The following SMG6 variants were observed in gnomAD, a reference collection of about 807,000 sequenced individuals.
SMG6 encodes the protein telomerase-binding protein EST1A.
Under a neutral mutation model 142.2 loss-of-function variants are expected in SMG6, and 66 were observed. The observed-to-expected ratio is 0.46, with a 90% CI of 0.38 to 0.57. SMG6 has a LOEUF of 0.57. SMG6 is among the 20% of genes least tolerant of loss of function. The probability of loss-of-function intolerance (pLI) is 0.00; values close to 1 mark genes in which losing one functional copy is unlikely to be tolerated. For missense variants in SMG6, 1,793 were observed against 1,832.0 expected (o/e 0.98, Z 0.39); for synonymous variants, 779 against 702.4 (o/e 1.11, Z -1.72).
intron 15 of SMG6, among the ~76,000 whole-genome samples, chr17:2,072,388 G>C (rs966602689): frequency 2.0e-5 from 3 of 152,104 alleles, no homozygotes; most frequent in African/African-American, 7.2e-5. Context: ...GACCCAAGTT[G>C]GCATAAAATG....
intron 11 of SMG6, among the ~76,000 whole-genome samples, chr17:2,187,487 T>A (rs969955505): frequency 6.6e-6 from 1 of 152,206 alleles, no homozygotes; most frequent in African/African-American, 2.4e-5. Flanking sequence ...GTTAAGAGAA[T>A]ATCCTTATTA....
Position 2,282,691 on chromosome 17 carries a change from C to A in SMG6, c.2617G>T (p.Asp873Tyr). 6.2e-7 allele frequency: 1 copy of A among 1,614,096 alleles called. No individual in the cohort carries two copies. The highest frequency in any genetic ancestry group is 1.1e-5 in the South Asian group (1 of 91,068). Residue 873 changes from aspartate (D) to tyrosine (Y), a missense_variant, in exon 8 of 19, where the codon GAT (aspartate) becomes TAT (tyrosine). This residue lies in a region of SMG6 where 1,597 missense variants were observed against 1,584.6 expected (regional missense o/e 1.01). Coordinates refer to ENST00000263073, the MANE Select transcript of SMG6 (RefSeq NM_017575.5). ...CCCAGCCCATTCTCTTGCTCAGAAT[C>A]CTTCCCAGACTCAGTGCCCTGGGAA... ...RSSQGTESGK[D>Y]SEQENGLGSL...
intron 13 of SMG6, among the ~76,000 whole-genome samples, chr17:2,115,204 C>G (rs1252475597): frequency 6.6e-6 from 1 of 151,920 alleles, no homozygotes; most frequent in Non-Finnish European, 1.5e-5. Context: ...CTCTAGCAAA[C>G]AGAGTGTTTA....
At position 2,282,749 on chromosome 17, in the gene SMG6, C is replaced by T. The variant is rs1415780797; in HGVS notation, c.2559G>A (p.Leu853=). 1 of 1,614,188 alleles carries T rather than the reference C, an allele frequency of 6.2e-7. No homozygotes were observed. Among genetic ancestry groups the T allele is most frequent in the South Asian group, 1.1e-5 (1 of 91,088 alleles). ...GATGGGATGGATGAATCCAGATCTCCAGGCGAGTGGTGTCATCTCCAACAT... is the reference window on the plus strand; with the variant it reads ...GATGGGATGGATGAATCCAGATCTCTAGGCGAGTGGTGTCATCTCCAACAT... ...FRHVGDDTTR[L]EIWIHPSHPR... Residue 853 remains leucine, a synonymous_variant, in exon 8 of 19, where the codon CTG becomes CTA. Transcript: ENST00000263073.
chr17:2,283,537 T>C (rs1259408925), intron 7 of SMG6, 88 bp downstream of exon 7: 3 of 1,051,524 alleles, frequency 2.9e-6, no homozygotes, highest in Non-Finnish European at 4.4e-6. Flanking sequence ...CTGGCTACGA[T>C]CCTGCCGGTG....
chr17:2,122,141 AAAT>A (rs2069721404), intron 13 of SMG6, among the ~76,000 whole-genome samples: 1 of 152,138 alleles, frequency 6.6e-6, no homozygotes, highest in Admixed American at 6.5e-5. Context: ...AAAGAAGAAA[AAAT>A]GGATGGATGG....
intron 7 of SMG6, 25 bp downstream of exon 7, chr17:2,283,600 A>G (rs764494225): frequency 8.8e-5 from 136 of 1,553,558 alleles, no homozygotes; most frequent in Non-Finnish European, 1.0e-4. Flanking sequence ...CGAGGAAGGA[A>G]GGGTTCTGCC....
At position 2,284,651 on chromosome 17, in the gene SMG6, T is replaced by A. The variant is rs374770222; in HGVS notation, c.2338-916A>T. The stretch of plus-strand genomic sequence containing the variant: ...GTCTACCCATTCTTCAAAACTCCTA[T>A]CTTATATTCACCTGGCATGGCTAGA... On this transcript the variant is annotated intron_variant, in intron 6 of 18. Coordinates refer to ENST00000263073, the MANE Select transcript of SMG6 (RefSeq NM_017575.5). Among the ~76,000 whole-genome samples, 22 of 152,206 alleles carry A rather than the reference T, an allele frequency of 1.4e-4. No individual in the cohort carries two copies. In the East Asian group the frequency reaches 4.2e-3, roughly 29 times the overall value.
intron 13 of SMG6, among the ~76,000 whole-genome samples, chr17:2,123,134 G>A (rs1420998798): frequency 5.3e-5 from 8 of 152,194 alleles, no homozygotes; most frequent in Non-Finnish European, 1.0e-4. Context: ...AAACCCTGGC[G>A]TGTTGGCGGC....
At chr17:2,160,546 T>C (rs2071144690) in intron 13 of SMG6, among the ~76,000 whole-genome samples, 2 of 152,158 alleles carry the variant, frequency 1.3e-5, no homozygotes, top group Admixed American at 6.5e-5. Flanking sequence ...TCTAAAATTA[T>C]GGGCTGGGTA....
intron 10 of SMG6, 38 bp from the exon 11 acceptor site, chr17:2,188,553 G>A (rs374483496): frequency 1.8e-5 from 29 of 1,573,362 alleles, no homozygotes; most frequent in East Asian, 1.1e-4. Flanking sequence ...CGCCCCAGGC[G>A]GACAAGATGC....
At chr17:2,275,772 G>A (rs2074635302) in intron 8 of SMG6, among the ~76,000 whole-genome samples, 1 of 152,176 alleles carries the variant, frequency 6.6e-6, no homozygotes, top group Admixed American at 6.5e-5. Context: ...GAGGGTCCTG[G>A]CTGGCAGGTG....
rs986687720 is a variant in SMG6 at position 2,102,119 on chromosome 17, C to T, written c.3358-16218G>A. Among the ~76,000 whole-genome samples, 3 of 152,300 alleles carry T rather than the reference C, an allele frequency of 2.0e-5. No individual in the cohort carries two copies. The South Asian group carries it at 6.2e-4, about 32-fold the overall frequency. ...CGTGGCCTCCTAACTTGTGTGCTCT[C>T]AGGCAAATTACTGAGCCCTGTCTGC... On this transcript the variant is annotated intron_variant, in intron 13 of 18. Transcript: ENST00000263073.
At position 2,081,804 on chromosome 17, in the gene SMG6, C is replaced by T; in HGVS notation, c.3681+6G>A. 1 of 1,612,922 alleles carries T rather than the reference C, an allele frequency of 6.2e-7. No individual in the cohort carries two copies. The highest frequency in any genetic ancestry group is 8.5e-7 in the Non-Finnish European group (1 of 1,180,032). On this transcript the variant is annotated splice_donor_region_variant and intron_variant, in intron 15 of 18. Coordinates refer to ENST00000263073, the MANE Select transcript of SMG6 (RefSeq NM_017575.5). ...GTGGGAACCACGCTCCCCAGGCCGA[C>T]TTCACCTGGATCTTTTCCTGGCGAC...
intron 8 of SMG6, among the ~76,000 whole-genome samples, chr17:2,279,360 G>A (rs944854209): frequency 7.9e-5 from 12 of 152,202 alleles, no homozygotes; most frequent in Admixed American, 1.3e-4. Context: ...GAAGTAGCAG[G>A]AGCCAGATCA....
At chr17:2,155,311 C>T (rs1047974453) in intron 13 of SMG6, among the ~76,000 whole-genome samples, 1 of 152,188 alleles carries the variant, frequency 6.6e-6, no homozygotes, top group Non-Finnish European at 1.5e-5. Flanking sequence ...ATCTGCCCGC[C>T]TCAGCTTTCC....
intron 13 of SMG6, among the ~76,000 whole-genome samples, chr17:2,149,459 T>C (rs1407406694): frequency 6.6e-6 from 1 of 151,146 alleles, no homozygotes; most frequent in Non-Finnish European, 1.5e-5. Context: ...ATAAGACTAA[T>C]CTCTCTTCCT....
intron 13 of SMG6, chr17:2,087,349 A>G (rs759966393): frequency 3.3e-6 from 4 of 1,207,232 alleles, no homozygotes; most frequent in East Asian, 5.8e-5. Flanking sequence ...GCTGCCCAGG[A>G]AAGTGCGGCA....
intron 13 of SMG6, among the ~76,000 whole-genome samples, chr17:2,112,692 T>C (rs2069374996): frequency 6.6e-6 from 1 of 150,722 alleles, no homozygotes; most frequent in Non-Finnish European, 1.5e-5. Context: ...TAAATCTGCA[T>C]ACTTTAGCTA....
Sources: gnomAD v4.1 joint callset for allele counts (sites outside exome capture counted in the v4.1 genomes callset) on GRCh38, gnomAD v4.1.1 for gene constraint, gnomAD v4.1.1 regional missense constraint, MANE v1.5 for transcripts, NCBI Gene and HGNC (gene_info 2026-07-23, HGNC 2026-07-21) for gene names.